SF3A3: variants seen among roughly 807,000 people sequenced by gnomAD.
The protein encoded by SF3A3 is SAP 61.
Under a neutral mutation model 85.8 loss-of-function variants are expected in SF3A3, and 9 were observed. That is an observed-to-expected ratio of 0.10 (90% CI 0.06 to 0.18). The LOEUF (loss-of-function observed/expected upper bound fraction) is 0.18. SF3A3 is among the 10% of genes least tolerant of loss of function. SF3A3 has a pLI of 1.00. For synonymous variants in SF3A3, 195 were observed against 204.4 expected, an observed-to-expected ratio of 0.95 and a Z score of 0.39; for missense variants, 306 against 593.3, an observed-to-expected ratio of 0.52 and a Z score of 5.03.
intron 16 of SF3A3, among the ~76,000 whole-genome samples, chr1:37,958,554 T>C (rs1646235555): frequency 6.6e-6 from 1 of 152,178 alleles, no homozygotes; most frequent in Admixed American, 6.5e-5. Context: ...TAGCTCTCTA[T>C]GTTTAAGATG....
At chr1:37,965,472 G>C (rs77870282) in intron 15 of SF3A3, among the ~76,000 whole-genome samples, 1 of 152,134 alleles carries the variant, frequency 6.6e-6, no homozygotes, top group East Asian at 1.9e-4. Context: ...GTAGCATGTT[G>C]CATGTTGGGC....
At chr1:37,985,847 C>G (rs937217619) in intron 4 of SF3A3, among the ~76,000 whole-genome samples, 1 of 151,874 alleles carries the variant, frequency 6.6e-6, no homozygotes, top group South Asian at 2.1e-4. Context: ...CTATTTTTTG[C>G]TGTTTTTAGT....
At chr1:37,987,955 T>C (rs549091248) in intron 2 of SF3A3, 119 bp from the exon 3 acceptor site, 3 of 817,632 alleles carry the variant, frequency 3.7e-6, no homozygotes, top group South Asian at 2.8e-5. Context: ...GGATATGAGA[T>C]AGTCTTAACA....
intron 1 of SF3A3, 29 bp from the exon 2 acceptor site, chr1:37,989,624 CG>C: frequency 1.2e-6 from 2 of 1,611,478 alleles, no homozygotes; most frequent in Non-Finnish European, 1.7e-6. Flanking sequence ...ACACAAACGC[CG>C]TTAGTTTGCG....
intron 2 of SF3A3, among the ~76,000 whole-genome samples, chr1:37,989,067 G>A (rs775220620): frequency 4.0e-5 from 6 of 151,880 alleles, no homozygotes; most frequent in South Asian, 4.2e-4. Context: ...CGAGGTAGGT[G>A]GATCACGAGG....
chr1:37,973,574 G>T (rs1415193322), intron 12 of SF3A3, among the ~76,000 whole-genome samples: 1 of 152,176 alleles, frequency 6.6e-6, no homozygotes, highest in East Asian at 1.9e-4. Context: ...TAAAAAGTCA[G>T]GAAACAACAG....
In SF3A3 at chr1:37,974,578, G is replaced by A. The variant is rs138452459; in HGVS notation, c.1005+2306C>T. Among the ~76,000 whole-genome samples, 1,249 of 152,038 alleles carry A rather than the reference G, an allele frequency of 8.2e-3. 8 individuals are homozygous for A. Among genetic ancestry groups the A allele is most frequent in the Middle Eastern group, 0.021 (6 of 292 alleles). ...TGGCCTCACAAAGGGCTGGGATTACGGGCATGAGCCACTGCGCCCGGCCCA... is the reference window on the plus strand; with the variant it reads ...TGGCCTCACAAAGGGCTGGGATTACAGGCATGAGCCACTGCGCCCGGCCCA... On this transcript the variant is annotated intron_variant, in intron 12 of 16. Coordinates refer to ENST00000373019, the MANE Select transcript of SF3A3 (RefSeq NM_006802.4).
chr1:37,985,948 A>ATT (rs1646453371), intron 4 of SF3A3, among the ~76,000 whole-genome samples: 1 of 68,316 alleles, frequency 1.5e-5, no homozygotes, highest in Non-Finnish European at 2.9e-5. Flanking sequence ...TTCCTACCAG[A>ATT]CTTTTTTTTT....
chr1:37,982,712 A>C (rs928914219), intron 6 of SF3A3, among the ~76,000 whole-genome samples: 2 of 152,094 alleles, frequency 1.3e-5, no homozygotes, highest in Non-Finnish European at 2.9e-5. Context: ...AAAAGACATT[A>C]AATACCTTTT....
At chr1:37,984,045 A>G (rs962200901) in intron 6 of SF3A3, 124 bp downstream of exon 6, 1 of 522,700 alleles carries the variant, frequency 1.9e-6, no homozygotes, top group African/African-American at 1.9e-5. Flanking sequence ...CCTCTTTAAT[A>G]TTTACATAAG....
chr1:37,979,263 C>G, intron 9 of SF3A3: 1 of 621,430 alleles, frequency 1.6e-6, no homozygotes, highest in South Asian at 2.1e-5. Context: ...TACTTTACTA[C>G]GGCTTAATGT....
chr1:37,989,554 C>A lies in SF3A3; in HGVS notation c.138G>T (p.Met46Ile). The A allele has an allele frequency of 2.5e-6, 4 of 1,613,898 alleles. No individual in the cohort carries two copies. In the African/African-American group the frequency reaches 4.0e-5, roughly 16 times the overall value. Residue 46 changes from methionine (M) to isoleucine (I), a missense_variant, in exon 2 of 17, where the codon ATG (methionine) becomes ATT (isoleucine). Physicochemically the swap from Met to Ile is conservative, Grantham distance 10. Coordinates refer to ENST00000373019, the MANE Select transcript of SF3A3 (RefSeq NM_006802.4). ...CAGACAGCTGGGCACTCACATCTTG[C>A]ATGGCCCGAGTGCGGTGATCAGAAT... The part of the protein sequence containing the change: ...QINSDHRTRA[M>I]QDRYMEVSGN...
intron 8 of SF3A3, among the ~76,000 whole-genome samples, chr1:37,980,197 G>T (rs1339295464): frequency 1.3e-5 from 2 of 152,128 alleles, no homozygotes; most frequent in Non-Finnish European, 2.9e-5. Flanking sequence ...GGCCGAGGTG[G>T]GCGGATCACC....
intron 11 of SF3A3, among the ~76,000 whole-genome samples, chr1:37,977,990 C>G (rs904105020): frequency 1.3e-5 from 2 of 150,234 alleles, no homozygotes; most frequent in African/African-American, 4.9e-5. Flanking sequence ...GCACTCCAGC[C>G]TGGGCAACAG....
chr1:37,963,991 C>T (rs988488897), intron 15 of SF3A3, among the ~76,000 whole-genome samples: 2 of 150,820 alleles, frequency 1.3e-5, no homozygotes, highest in South Asian at 2.1e-4. Flanking sequence ...CCATCTTGGC[C>T]AGCATGGTGA....
At chr1:37,963,747 G>A (rs928007800) in intron 15 of SF3A3, among the ~76,000 whole-genome samples, 3 of 150,830 alleles carry the variant, frequency 2.0e-5, no homozygotes, top group Admixed American at 6.6e-5. Context: ...TAGTAGAGAC[G>A]GGGTTTCACT....
At chr1:37,978,336 C>CAA (rs370121360) in intron 11 of SF3A3, among the ~76,000 whole-genome samples, 59 of 75,066 alleles carry the variant, frequency 7.9e-4, no homozygotes, top group African/African-American at 2.2e-3. Flanking sequence ...GAGACTGTCT[C>CAA]AAAAAAAAAA....
chr1:37,971,210 A>G lies in SF3A3; in HGVS notation c.1006-1475T>C, dbSNP rs569976196. On this transcript the variant is annotated intron_variant, in intron 12 of 16. Coordinates refer to ENST00000373019, the MANE Select transcript of SF3A3 (RefSeq NM_006802.4). ...TCCCACAGAAATACAAACTACCATC[A>G]GAGAATACTATAAACACCTCTACAC... 2.4e-4 allele frequency among the ~76,000 whole-genome samples: 36 copies of G among 150,806 alleles called. No homozygotes were observed. In the South Asian group the frequency reaches 7.7e-3, roughly 32 times the overall value.
intron 12 of SF3A3, among the ~76,000 whole-genome samples, chr1:37,975,771 G>A (rs1646375324): frequency 1.3e-5 from 2 of 152,126 alleles, no homozygotes; most frequent in Admixed American, 1.3e-4. Context: ...AAATGTCCAC[G>A]GCAATTAACA....
Sources: allele counts gnomAD v4.1 joint callset (sites outside exome capture counted in the v4.1 genomes callset), GRCh38; gene constraint gnomAD v4.1.1; transcripts MANE v1.5; gene names NCBI Gene and HGNC (gene_info 2026-07-23, HGNC 2026-07-21).